The following AKTIP variants were observed in gnomAD, a reference collection of about 807,000 sequenced individuals.
AKTIP encodes AKT-interacting protein.
A neutral mutation model predicts 39.1 loss-of-function variants in AKTIP; 16 were observed. The ratio of observed to expected loss-of-function variants is 0.41; its 90% CI spans 0.28 to 0.62. The LOEUF is 0.62. Ranked by LOEUF, AKTIP falls within the 20% of genes least tolerant of loss-of-function variation. The pLI, the probability that AKTIP is intolerant of heterozygous loss-of-function variation, is 0.32. For synonymous variants in AKTIP, 93 were observed against 124.3 expected, an observed-to-expected ratio of 0.75 and a Z score of 1.67; for missense variants, 262 against 356.6, an observed-to-expected ratio of 0.73 and a Z score of 2.14.
intron 3 of AKTIP, among the ~76,000 whole-genome samples, chr16:53,496,739 C>G (rs553335506): frequency 2.0e-4 from 31 of 152,084 alleles, no homozygotes; most frequent in African/African-American, 7.5e-4. Context: ...GAGGCTGAAG[C>G]AGGAGAATCC....
At position 53,492,157 on chromosome 16, in the gene AKTIP, C is replaced by T; in HGVS notation, c.*255G>A. 1 of 413,658 alleles carries T rather than the reference C, an allele frequency of 2.4e-6. No individual in the cohort carries two copies. The highest frequency in any genetic ancestry group is 4.4e-6 in the Non-Finnish European group (1 of 229,098). 25.6% of individuals were successfully genotyped at this position (413,658 alleles called of 1,614,324 possible). On this transcript the variant is annotated 3_prime_UTR_variant, in exon 10 of 10. Transcript: ENST00000394657. ...AGCATTATATTCAGAAAAATACTTA[C>T]TTAAGCCTCAAGGTCCCCAATAATT...
chr16:53,494,668 G>T, intron 5 of AKTIP, 63 bp from the exon 6 acceptor site: 2 of 1,491,598 alleles, frequency 1.3e-6, no homozygotes, highest in Non-Finnish European at 1.8e-6. Context: ...GAGACCCATA[G>T]GAATCGTGAT....
At chr16:53,504,270 GC>G (rs1207121093), upstream of AKTIP, 3 of 152,174 alleles carry the variant, frequency 2.0e-5, no homozygotes, top group Admixed American at 6.6e-5. Flanking sequence ...TTCCACACTT[GC>G]GCGACAGCCC....
intron 8 of AKTIP, chr16:53,493,878 A>G: frequency 2.2e-6 from 1 of 463,210 alleles, no homozygotes; most frequent in Non-Finnish European, 3.9e-6. Flanking sequence ...GGGAATGAAT[A>G]AATATATCAC....
chr16:53,501,949 ACAC>A (rs1351904342), intron 1 of AKTIP, among the ~76,000 whole-genome samples: 3 of 152,330 alleles, frequency 2.0e-5, no homozygotes, highest in South Asian at 2.1e-4. Context: ...TCAAATGAAG[ACAC>A]TGATTTTCAG....
At chr16:53,497,992 C>T (rs572433061) in intron 3 of AKTIP, among the ~76,000 whole-genome samples, 239 of 152,368 alleles carry the variant, frequency 1.6e-3, no homozygotes, top group Non-Finnish European at 2.5e-3. Context: ...TCGTGATCCA[C>T]CTGCCTGGGC....
At chr16:53,499,451 T>C (rs1248034090) in intron 2 of AKTIP, among the ~76,000 whole-genome samples, 5 of 40,208 alleles carry the variant, frequency 1.2e-4, no homozygotes, top group East Asian at 8.9e-4. Flanking sequence ...AGATTATAGT[T>C]TTTTTTTTTT....
Position 53,491,625 on chromosome 16 carries a change from T to C in AKTIP, c.*787A>G, listed in dbSNP as rs1961467788. 6.6e-6 allele frequency: 1 copy of C among 152,642 alleles called. No individual in the cohort carries two copies. The highest frequency in any genetic ancestry group is 2.4e-5 in the African/African-American group (1 of 41,456). The allele number at this position is 152,642 out of a possible 1,614,324, so 9.5% of individuals were successfully genotyped here. A position where few individuals can be genotyped will look rare whatever the true frequency, so the allele number is the denominator to read the frequency against. On this transcript the variant is annotated 3_prime_UTR_variant, in exon 10 of 10. Transcript: ENST00000394657. ...AATTTTATATGAAGATAAGTGTATTTTTCAATAAAGCATTTATAAATTAGC... is the reference window on the plus strand; with the variant it reads ...AATTTTATATGAAGATAAGTGTATTCTTCAATAAAGCATTTATAAATTAGC...
chr16:53,497,766 T>C (rs115034217), intron 3 of AKTIP, among the ~76,000 whole-genome samples: 1,572 of 152,388 alleles, frequency 0.01, 30 homozygotes, highest in African/African-American at 0.036. Flanking sequence ...TGTAGGTTCT[T>C]TGAGACGGGG....
chr16:53,499,449 G>GTTTTTTTTTTTTT (rs56138099), intron 2 of AKTIP, among the ~76,000 whole-genome samples: 4 of 130,706 alleles, frequency 3.1e-5, no homozygotes, highest in Non-Finnish European at 1.6e-5. Flanking sequence ...TGAGATTATA[G>GTTTTTTTTTTTTT]TTTTTTTTTT....
chr16:53,498,768 A>T (rs1961993713), intron 2 of AKTIP, among the ~76,000 whole-genome samples, 172 bp from the exon 3 acceptor site: 1 of 152,248 alleles, frequency 6.6e-6, no homozygotes, highest in Non-Finnish European at 1.5e-5. Flanking sequence ...TAAAGAGAAG[A>T]CAAACCTGAA....
At chr16:53,498,194 C>T (rs1961955840) in intron 3 of AKTIP, among the ~76,000 whole-genome samples, 197 bp downstream of exon 3, 1 of 152,212 alleles carries the variant, frequency 6.6e-6, no homozygotes, top group African/African-American at 2.4e-5. Flanking sequence ...TATCTCTCTA[C>T]CTAGGTCTTG....
chr16:53,501,706 C>T (rs1962180493), intron 1 of AKTIP: 1 of 152,210 alleles, frequency 6.6e-6, no homozygotes, highest in Non-Finnish European at 1.5e-5. Flanking sequence ...CAGGGACGTA[C>T]CCAACCCAGG....
At chr16:53,504,392 G>C (rs1273145544), upstream of AKTIP, 1 of 152,170 alleles carries the variant, frequency 6.6e-6, no homozygotes, top group Non-Finnish European at 1.5e-5. Context: ...GGGTTGTTTG[G>C]TCCATTTTTG....
At chr16:53,503,833 C>G (rs79551735), upstream of AKTIP, among the ~76,000 whole-genome samples, 5,015 of 152,312 alleles carry the variant, frequency 0.033, 255 homozygotes, top group African/African-American at 0.11. Flanking sequence ...AACGCCCGTT[C>G]TCTCCATCAG....
upstream of AKTIP, among the ~76,000 whole-genome samples, chr16:53,503,424 A>C (rs1284904551): frequency 6.6e-6 from 1 of 152,164 alleles, no homozygotes; most frequent in Non-Finnish European, 1.5e-5. Context: ...GGTCCTGCAA[A>C]TCAAATCACC....
chr16:53,502,500 C>T (rs944527368), intron 1 of AKTIP, among the ~76,000 whole-genome samples: 5 of 152,296 alleles, frequency 3.3e-5, no homozygotes, highest in South Asian at 4.1e-4. Context: ...ACTCTACATG[C>T]CACAGCGCAC....
At chr16:53,494,719 TA>T in intron 5 of AKTIP, 114 bp from the exon 6 acceptor site, 1 of 1,045,008 alleles carries the variant, frequency 9.6e-7, no homozygotes, top group Non-Finnish European at 1.4e-6. Context: ...TATTTAAAGC[TA>T]AAGAGCTGCC....
intron 3 of AKTIP, 83 bp from the exon 4 acceptor site, chr16:53,495,409 ATGAACGGCCCCTCAATGGGCAGC>A: frequency 1.5e-6 from 2 of 1,342,288 alleles, no homozygotes; most frequent in South Asian, 2.4e-5. Flanking sequence ...CTTTGAGACA[ATGAACGGCCCCTCAATGGGCAGC>A]TGATGCCCAA....
Sources: allele counts gnomAD v4.1 joint callset (sites outside exome capture counted in the v4.1 genomes callset), GRCh38; gene constraint gnomAD v4.1.1; transcripts MANE v1.5; gene names NCBI Gene and HGNC (gene_info 2026-07-23, HGNC 2026-07-21).